Variants in CDC42BPA observed in about 807,000 individuals in gnomAD.
CDC42BPA encodes the protein serine/threonine-protein kinase MRCK alpha.
A neutral mutation model predicts 223.5 loss-of-function variants in CDC42BPA; 80 were observed. The ratio of observed to expected loss-of-function variants is 0.36; its 90% CI spans 0.30 to 0.43. The LOEUF is 0.43. Ranked by LOEUF, CDC42BPA falls within the 20% of genes least tolerant of loss-of-function variation. The pLI is 1.00. For missense variants in CDC42BPA, 1,743 were observed against 2,099.9 expected (o/e 0.83, Z 3.32); for synonymous variants, 694 against 718.6 (o/e 0.97, Z 0.55).
intron 6 of CDC42BPA, among the ~76,000 whole-genome samples, chr1:227,151,485 G>A (rs911419682): frequency 6.6e-6 from 1 of 151,958 alleles, no homozygotes; most frequent in African/African-American, 2.4e-5. Flanking sequence ...ACTTCTTTTG[G>A]GTATATACCC....
intron 11 of CDC42BPA, among the ~76,000 whole-genome samples, chr1:227,127,135 T>C (rs1401448265): frequency 6.6e-6 from 1 of 152,060 alleles, no homozygotes; most frequent in African/African-American, 2.4e-5. Context: ...AATAAACACA[T>C]GAACAATAAA....
chr1:227,286,655 A>G (rs1394461929), intron 1 of CDC42BPA, among the ~76,000 whole-genome samples: 1 of 151,962 alleles, frequency 6.6e-6, no homozygotes, highest in African/African-American at 2.4e-5. Flanking sequence ...CCCGGTACCA[A>G]TTTTCTGTAT....
rs762775484 is a variant in CDC42BPA, at chr1:227,317,191, C to T, written c.-9G>A. 7 of 1,592,252 alleles carry T rather than the reference C, an allele frequency of 4.4e-6. No individual in the cohort carries two copies. In the East Asian group the frequency reaches 1.6e-4, roughly 36 times the overall value. On this transcript the variant is annotated 5_prime_UTR_variant, in exon 1 of 37. Transcript: ENST00000366766. The stretch of plus-strand genomic sequence containing the variant: ...CGCACTTCTCCAGACATGTTTGCTT[C>T]GATTTCTGCTGGTTTTCCTTTAAAT...
intron 1 of CDC42BPA, among the ~76,000 whole-genome samples, chr1:227,302,597 C>T (rs1256388902): frequency 5.3e-5 from 8 of 152,094 alleles, no homozygotes; most frequent in Admixed American, 3.9e-4. Context: ...AACCTTGATG[C>T]GAATCTATTT....
rs1336750390 is a variant in CDC42BPA, at chr1:227,254,116, T to C, written c.218A>G (p.His73Arg). The C allele has an allele frequency of 1.2e-6, 2 of 1,600,176 alleles. No homozygotes were observed. Among genetic ancestry groups the C allele is most frequent in the Non-Finnish European group, 8.5e-7 (1 of 1,172,034 alleles). ...CTTTAATATTTCAAAGTCTTCTCTA[T>C]GTAATCGCATTTGTTTCACTTTAGA... ...FTSKVKQMRL[H>R]REDFEILKVI... The change falls in exon 2 of 37, where the codon CAT (histidine) becomes CGT (arginine). Residue 73 changes from histidine to arginine, a missense_variant. By Grantham distance (29) the His-to-Arg change is conservative. Transcript: ENST00000366766.
At chr1:227,072,449 GCTAC>G in intron 19 of CDC42BPA, 150 bp from the exon 20 acceptor site, 1 of 577,144 alleles carries the variant, frequency 1.7e-6, no homozygotes, top group Non-Finnish European at 3.1e-6. Flanking sequence ...AATACAGCTT[GCTAC>G]CTACTTTCAT....
rs1394672997 is a variant in CDC42BPA at position 227,133,607 on chromosome 1, T to C, written c.1391-4376A>G. Among the ~76,000 whole-genome samples, 3 of 152,348 alleles carry C rather than the reference T, an allele frequency of 2.0e-5. No individual in the cohort carries two copies. In the East Asian group the frequency reaches 5.8e-4, roughly 29 times the overall value. ...AGTAGACATGGGAGACTTTTCATTTTGTTCTGTACTAAGAAAAATTCTTCT... is the reference window on the plus strand; with the variant it reads ...AGTAGACATGGGAGACTTTTCATTTCGTTCTGTACTAAGAAAAATTCTTCT... On this transcript the variant is annotated intron_variant, in intron 10 of 36. Transcript: ENST00000366766.
chr1:227,133,268 T>TCTGCCCGGCCGCCC, intron 10 of CDC42BPA, among the ~76,000 whole-genome samples: 1 of 148,756 alleles, frequency 6.7e-6, no homozygotes, highest in Non-Finnish European at 1.5e-5. Flanking sequence ...GAGGGGCGCC[T>TCTGCCCGGCCGCCC]CTGCCCGGCC....
Position 227,079,802 on chromosome 1 carries a change from T to C in CDC42BPA, c.2480+1091A>G, listed in dbSNP as rs530127049. ...CTGATCTATAAATATATGATGAAAC[T>C]ATAGGCTGGGTATCCTTTACATGAA... On this transcript the variant is annotated intron_variant, in intron 17 of 36. Coordinates refer to ENST00000366766, the MANE Select transcript of CDC42BPA (RefSeq NM_001394014.1). 3.0e-4 allele frequency among the ~76,000 whole-genome samples: 45 copies of C among 151,914 alleles called. 1 individual carries two copies. The highest frequency in any genetic ancestry group is 4.1e-4 in the Non-Finnish European group (28 of 67,902).
At chr1:227,247,325 A>G (rs1388604135) in intron 2 of CDC42BPA, among the ~76,000 whole-genome samples, 6 of 151,456 alleles carry the variant, frequency 4.0e-5, no homozygotes, top group Non-Finnish European at 8.8e-5. Flanking sequence ...CCCTATCTCT[A>G]TTTTTAAAAA....
chr1:227,090,141 C>T (rs892340770), intron 16 of CDC42BPA, among the ~76,000 whole-genome samples: 5 of 152,122 alleles, frequency 3.3e-5, no homozygotes, highest in African/African-American at 1.2e-4. Context: ...CAGCCACTTC[C>T]TACAATGTTT....
At chr1:227,119,667 C>T (rs1201371083) in intron 12 of CDC42BPA, 137 bp downstream of exon 12, 4 of 559,694 alleles carry the variant, frequency 7.1e-6, no homozygotes, top group East Asian at 3.6e-5. Flanking sequence ...CAAAATAATC[C>T]TAAATTTTTA....
chr1:227,165,055 A>AG (rs397795080), intron 5 of CDC42BPA, among the ~76,000 whole-genome samples: 3 of 15,688 alleles, frequency 1.9e-4, no homozygotes, highest in African/African-American at 5.3e-4. Flanking sequence ...AGCATGCAAC[A>AG]GCACTGAATT....
intron 33 of CDC42BPA, among the ~76,000 whole-genome samples, chr1:227,016,478 T>C (rs1433845781): frequency 6.6e-6 from 1 of 152,128 alleles, no homozygotes; most frequent in African/African-American, 2.4e-5. Context: ...TTCTGAACAT[T>C]TTATGTATCT....
intron 27 of CDC42BPA, among the ~76,000 whole-genome samples, chr1:227,033,061 T>C (rs949343622): frequency 2.0e-5 from 3 of 152,210 alleles, no homozygotes; most frequent in African/African-American, 7.2e-5. Flanking sequence ...TTCCATGTGG[T>C]AGTATTTATT....
At chr1:227,254,476 A>G (rs902510753) in intron 1 of CDC42BPA, among the ~76,000 whole-genome samples, 2 of 152,344 alleles carry the variant, frequency 1.3e-5, no homozygotes, top group South Asian at 4.1e-4. Context: ...TTAAATATAT[A>G]TTTTAACACA....
intron 3 of CDC42BPA, among the ~76,000 whole-genome samples, chr1:227,203,506 C>G (rs1443854388): frequency 6.6e-6 from 1 of 152,060 alleles, no homozygotes; most frequent in African/African-American, 2.4e-5. Context: ...CATAAAGGTG[C>G]TCTGTGGATT....
intron 5 of CDC42BPA, among the ~76,000 whole-genome samples, chr1:227,184,582 T>A (rs940434258): frequency 6.6e-6 from 1 of 152,188 alleles, no homozygotes; most frequent in Admixed American, 6.5e-5. Context: ...TAGCATGGCT[T>A]AATATCTGGT....
At chr1:227,060,034 T>TTG (rs1553318047) in intron 21 of CDC42BPA, among the ~76,000 whole-genome samples, 4 of 142,632 alleles carry the variant, frequency 2.8e-5, no homozygotes, top group East Asian at 2.0e-4. Flanking sequence ...TTTTTTGTTT[T>TTG]TTTTTTTTTT....
Sources: gnomAD v4.1 joint callset for allele counts (sites outside exome capture counted in the v4.1 genomes callset) on GRCh38, gnomAD v4.1.1 for gene constraint, MANE v1.5 for transcripts, NCBI Gene and HGNC (gene_info 2026-07-23, HGNC 2026-07-21) for gene names.